The following HSPA4L variants were observed in gnomAD, a reference collection of about 807,000 sequenced individuals.
HSPA4L encodes the protein heat shock 70 kDa protein 4L.
In HSPA4L, 48 loss-of-function variants were observed where a neutral mutation model predicts 100.3. That is an observed-to-expected ratio of 0.48 (90% CI 0.38 to 0.61). The LOEUF (loss-of-function observed/expected upper bound fraction) is 0.61, where lower values mean the gene tolerates loss of function less well. Among genes scored for constraint, HSPA4L ranks in the 20% least tolerant of loss-of-function variants. The pLI is 0.00. For missense variants in HSPA4L, 886 were observed against 988.6 expected, an observed-to-expected ratio of 0.90 and a Z score of 1.39; for synonymous variants, 319 against 328.2, an observed-to-expected ratio of 0.97 and a Z score of 0.30.
At chr4:127,819,951 G>A (rs982135086) in intron 13 of HSPA4L, among the ~76,000 whole-genome samples, 2 of 152,022 alleles carry the variant, frequency 1.3e-5, no homozygotes, top group African/African-American at 2.4e-5. Context: ...TTGCGGGGGT[G>A]TGTATTTTCA....
intron 12 of HSPA4L, among the ~76,000 whole-genome samples, chr4:127,817,313 C>T (rs916578464): frequency 2.4e-4 from 37 of 151,986 alleles, no homozygotes; most frequent in African/African-American, 8.7e-4. Context: ...ATCTGCCTGC[C>T]TTGGCCTCCC....
At chr4:127,813,115 G>A (rs778343083) in intron 12 of HSPA4L, 13 of 1,318,684 alleles carry the variant, frequency 9.9e-6, no homozygotes, top group Admixed American at 3.4e-5. Flanking sequence ...TCGCATATAC[G>A]TGGCCAAAGG....
At chr4:127,820,405 A>G (rs374679906) in intron 13 of HSPA4L, 23 bp from the exon 14 acceptor site, 103 of 1,561,290 alleles carry the variant, frequency 6.6e-5, no homozygotes, top group Non-Finnish European at 8.3e-5. Context: ...TTAGAAATTT[A>G]TACTTCTCTT....
At chr4:127,820,282 A>G in intron 13 of HSPA4L, 146 bp from the exon 14 acceptor site, 1 of 601,700 alleles carries the variant, frequency 1.7e-6, no homozygotes, top group Non-Finnish European at 2.6e-6. Context: ...TAACATACAC[A>G]GACTACAAAA....
At position 127,809,427 on chromosome 4, in the gene HSPA4L, G is replaced by A. The variant is rs1397583701; in HGVS notation, c.1378+1298G>A. 4.8e-6 allele frequency: 6 copies of A among 1,249,484 alleles called. No homozygotes were observed. In the East Asian group the frequency reaches 7.0e-5, roughly 15 times the overall value. The allele number at this position is 1,249,484 out of a possible 1,614,324, so 77.4% of individuals were successfully genotyped here. ...TGGATACTTCATAACTCAAGACTCT[G>A]CATTTGGGAACCTGATTCTTCCTGT... On this transcript the variant is annotated intron_variant, in intron 11 of 18. Transcript: ENST00000296464.
intron 12 of HSPA4L, among the ~76,000 whole-genome samples, chr4:127,816,924 G>T (rs1733683675): frequency 6.6e-6 from 1 of 152,128 alleles, no homozygotes; most frequent in Non-Finnish European, 1.5e-5. Flanking sequence ...AAGGCATTGT[G>T]ACCATTTAGC....
chr4:127,833,673 A>G lies in HSPA4L; in HGVS notation c.*799A>G, dbSNP rs1734142383. Reference sequence around the variant, plus strand: ...AAGGGGAAATGCTGTTTATCTACTCAGACATGCATCTGTGATGTTCATAGC... The same window carrying G: ...AAGGGGAAATGCTGTTTATCTACTCGGACATGCATCTGTGATGTTCATAGC... On this transcript the variant is annotated 3_prime_UTR_variant, in exon 19 of 19. Transcript: ENST00000296464. 1 of 152,174 alleles carries G rather than the reference A, an allele frequency of 6.6e-6. No homozygotes were observed. The highest frequency in any genetic ancestry group is 1.5e-5 in the Non-Finnish European group (1 of 68,004). The allele number at this position is 152,174 out of a possible 1,614,324, so 9.4% of individuals were successfully genotyped here.
chr4:127,824,501 G>A (rs1019133669), intron 16 of HSPA4L, among the ~76,000 whole-genome samples: 2 of 152,190 alleles, frequency 1.3e-5, no homozygotes, highest in Non-Finnish European at 2.9e-5. Flanking sequence ...ATATTGTATA[G>A]TCATAATGTT....
At chr4:127,792,836 A>G (rs1400250787) in intron 1 of HSPA4L, among the ~76,000 whole-genome samples, 3 of 152,244 alleles carry the variant, frequency 2.0e-5, no homozygotes, top group Admixed American at 6.5e-5. Context: ...ATAAGCTGAC[A>G]TTTGAGCAGA....
At position 127,809,423 on chromosome 4, in the gene HSPA4L, C is replaced by T. The variant is rs139351015; in HGVS notation, c.1378+1294C>T. The stretch of plus-strand genomic sequence containing the variant: ...CATTTGGATACTTCATAACTCAAGA[C>T]TCTGCATTTGGGAACCTGATTCTTC... On this transcript the variant is annotated intron_variant, in intron 11 of 18. Transcript: ENST00000296464. 2.5e-3 allele frequency: 3,167 copies of T among 1,251,906 alleles called. 8 individuals are homozygous for T. Among genetic ancestry groups the T allele is most frequent in the African/African-American group, 4.7e-3 (317 of 67,860 alleles). 77.5% of individuals were successfully genotyped at this position (1,251,906 alleles called of 1,614,324 possible).
rs1253659859 is a variant in HSPA4L, at chr4:127,839,591, G to A, written c.*6717G>A. 2 of 152,034 alleles carry A rather than the reference G, an allele frequency of 1.3e-5. No individual in the cohort carries two copies. The highest frequency in any genetic ancestry group is 6.5e-5 in the Admixed American group (1 of 15,270). 9.4% of individuals were successfully genotyped at this position (152,034 alleles called of 1,614,324 possible). A position where few individuals can be genotyped will look rare whatever the true frequency, so the allele number is the denominator to read the frequency against. ...GCCTATAGTCCCAGCTATTCGGGAG[G>A]CTGAGGCAAGAGAATTGCTTGAACC... is the stretch of plus-strand genomic sequence containing the variant. On this transcript the variant is annotated 3_prime_UTR_variant, in exon 19 of 19. Transcript: ENST00000296464.
In HSPA4L at chr4:127,801,118, CTG is replaced by C. The variant is rs1288036298; in HGVS notation, c.430-18_430-17del. On this transcript the variant is annotated intron_variant, in intron 4 of 18. Coordinates refer to ENST00000296464, the MANE Select transcript of HSPA4L (RefSeq NM_014278.4). ...TGTTTACATAAAACATTATACTTAA[CTG>C]TTGTTTTTAAATACTAGATTCCTAG... 1.9e-5 allele frequency: 30 copies of C among 1,543,714 alleles called. No individual in the cohort carries two copies. The highest frequency in any genetic ancestry group is 2.7e-5 in the Non-Finnish European group (30 of 1,124,080).
intron 17 of HSPA4L, 90 bp from the exon 18 acceptor site, chr4:127,830,548 G>T (rs1306012715): frequency 2.1e-6 from 2 of 952,888 alleles, no homozygotes; most frequent in Middle Eastern, 3.3e-4. Flanking sequence ...CAGTCAATAA[G>T]AGTCTAAATT....
intron 16 of HSPA4L, among the ~76,000 whole-genome samples, chr4:127,824,842 A>G (rs937940469): frequency 4.6e-5 from 7 of 152,184 alleles, no homozygotes; most frequent in African/African-American, 1.7e-4. Context: ...TAAAAGATTA[A>G]AAGTTTATAT....
intron 16 of HSPA4L, 34 bp from the exon 17 acceptor site, chr4:127,827,271 A>T: frequency 8.2e-6 from 13 of 1,587,084 alleles, no homozygotes; most frequent in Non-Finnish European, 1.1e-5. Context: ...AAACTCAAAA[A>T]TTTTTCTTCT....
intron 16 of HSPA4L, among the ~76,000 whole-genome samples, chr4:127,824,721 C>T (rs1188124467): frequency 6.6e-6 from 1 of 152,186 alleles, no homozygotes; most frequent in Non-Finnish European, 1.5e-5. Flanking sequence ...TGAATTTTAA[C>T]GTCCTTTCAC....
chr4:127,820,295 A>G, intron 13 of HSPA4L, 133 bp from the exon 14 acceptor site: 1 of 649,340 alleles, frequency 1.5e-6, no homozygotes, highest in Non-Finnish European at 2.3e-6. Context: ...CTACAAAATA[A>G]CATCAGTCTT....
intron 3 of HSPA4L, 59 bp from the exon 4 acceptor site, chr4:127,798,528 C>G: frequency 6.4e-7 from 1 of 1,568,780 alleles, no homozygotes; most frequent in Non-Finnish European, 8.7e-7. Context: ...TAGGTGCTCA[C>G]TGAATATTTG....
chr4:127,789,369 G>A (rs1044625716), intron 1 of HSPA4L, among the ~76,000 whole-genome samples: 3 of 152,128 alleles, frequency 2.0e-5, no homozygotes, highest in Non-Finnish European at 4.4e-5. Context: ...GTCCCTGGCC[G>A]GGCACGGTGG....
Sources: allele counts gnomAD v4.1 joint callset (sites outside exome capture counted in the v4.1 genomes callset), GRCh38; gene constraint gnomAD v4.1.1; transcripts MANE v1.5; gene names NCBI Gene and HGNC (gene_info 2026-07-23, HGNC 2026-07-21).